Variants in ROBO2 observed in about 807,000 individuals in gnomAD.
The protein encoded by ROBO2 is roundabout guidance receptor 2, also known as roundabout homolog 2.
Under a neutral mutation model 160.8 loss-of-function variants are expected in ROBO2, and 53 were observed. That is an observed-to-expected ratio of 0.33 (90% CI 0.26 to 0.41). The LOEUF (loss-of-function observed/expected upper bound fraction) is 0.41. Among genes scored for constraint, ROBO2 ranks in the 10% least tolerant of loss-of-function variants. The pLI, the probability that ROBO2 is intolerant of heterozygous loss-of-function variation, is 1.00. For synonymous variants in ROBO2, 664 were observed against 611.7 expected (o/e 1.09, Z -1.26); for missense variants, 1,577 against 1,722.4 (o/e 0.92, Z 1.49).
At chr3:76,622,661 C>T (rs2089307337) in intron 2 of ROBO2, among the ~76,000 whole-genome samples, 1 of 152,096 alleles carries the variant, frequency 6.6e-6, no homozygotes, top group Non-Finnish European at 1.5e-5. Flanking sequence ...TGCTCTGCCC[C>T]AGTCATTGAC....
At chr3:77,155,198 C>G (rs945825482) in intron 2 of ROBO2, among the ~76,000 whole-genome samples, 1 of 151,920 alleles carries the variant, frequency 6.6e-6, no homozygotes, top group Non-Finnish European at 1.5e-5. Flanking sequence ...TGTCTGAGTC[C>G]TAATCCCTGA....
intron 2 of ROBO2, among the ~76,000 whole-genome samples, chr3:77,266,688 G>C (rs1253778913): frequency 1.3e-5 from 2 of 152,000 alleles, no homozygotes; most frequent in Non-Finnish European, 2.9e-5. Flanking sequence ...GTGTGATCTT[G>C]GGCAAATCCT....
chr3:77,516,610 A>G (rs2090046605), intron 5 of ROBO2, among the ~76,000 whole-genome samples: 1 of 151,608 alleles, frequency 6.6e-6, no homozygotes, highest in Admixed American at 6.6e-5. Flanking sequence ...ACAGAGGGTA[A>G]TTTATTAATG....
chr3:77,392,744 A>G (rs1486032513), intron 2 of ROBO2, among the ~76,000 whole-genome samples: 1 of 152,230 alleles, frequency 6.6e-6, no homozygotes, highest in African/African-American at 2.4e-5. Context: ...TCCTTGAGCT[A>G]AACATTAATT....
intron 2 of ROBO2, among the ~76,000 whole-genome samples, chr3:77,034,225 A>G (rs1219520443): frequency 6.6e-6 from 1 of 151,854 alleles, no homozygotes. Flanking sequence ...AAGTTTTTCT[A>G]TAAACTTGGG....
chr3:76,707,552 C>G (rs267158), intron 2 of ROBO2, among the ~76,000 whole-genome samples: 74,282 of 151,180 alleles, frequency 0.49, 18,520 homozygotes, highest in Non-Finnish European at 0.53. Context: ...GTTCCCAAGG[C>G]TGGTGACTCC....
At chr3:77,249,777 C>T (rs2090138225) in intron 2 of ROBO2, among the ~76,000 whole-genome samples, 2 of 151,810 alleles carry the variant, frequency 1.3e-5, no homozygotes, top group Admixed American at 6.6e-5. Flanking sequence ...AATTGTCTTA[C>T]ACCAATCAAA....
chr3:76,214,971 AG>A (rs1703407060), intron 2 of ROBO2, among the ~76,000 whole-genome samples: 1 of 152,136 alleles, frequency 6.6e-6, no homozygotes, highest in South Asian at 2.1e-4. Context: ...AAACTTCCAG[AG>A]GAACAATCAG....
intron 2 of ROBO2, among the ~76,000 whole-genome samples, chr3:77,246,445 C>A (rs574055041): frequency 6.6e-6 from 1 of 150,632 alleles, no homozygotes; most frequent in South Asian, 2.1e-4. Context: ...CACTTTAAAC[C>A]CAAATATGTG....
chr3:76,926,446 C>G (rs778031048), intron 2 of ROBO2, among the ~76,000 whole-genome samples: 4 of 152,138 alleles, frequency 2.6e-5, no homozygotes, highest in Non-Finnish European at 4.4e-5. Flanking sequence ...AGATTTTTAT[C>G]TTTGCATTGA....
In ROBO2 at chr3:76,646,669, C is replaced by T. The variant is rs117250783; in HGVS notation, c.110-451345C>T. Among the ~76,000 whole-genome samples the T allele has an allele frequency of 2.0e-4, 31 of 152,214 alleles. No individual in the cohort carries two copies. The East Asian group carries it at 5.8e-3, about 29-fold the overall frequency. On this transcript the variant is annotated intron_variant, in intron 2 of 26. Transcript: ENST00000487694. The stretch of plus-strand genomic sequence containing the variant: ...AGTTTCCATGATATACATGTAGACA[C>T]AGCAATAAGAGTTAAGTTGCTTTGC...
At chr3:77,244,062 A>G (rs1008571031) in intron 2 of ROBO2, among the ~76,000 whole-genome samples, 1 of 152,228 alleles carries the variant, frequency 6.6e-6, no homozygotes, top group Non-Finnish European at 1.5e-5. Flanking sequence ...AAAACAATGG[A>G]GAAACAGTAG....
chr3:76,537,174 G>A (rs1432338764), intron 2 of ROBO2, among the ~76,000 whole-genome samples: 2 of 151,940 alleles, frequency 1.3e-5, no homozygotes, highest in Non-Finnish European at 2.9e-5. Context: ...GAAATGGATG[G>A]GAGAGAAAGA....
chr3:77,215,890 CA>C (rs2084874390), intron 2 of ROBO2, among the ~76,000 whole-genome samples: 1 of 152,232 alleles, frequency 6.6e-6, no homozygotes, highest in African/African-American at 2.4e-5. Flanking sequence ...GGCTGCAGAA[CA>C]GCAGATATTG....
At chr3:76,775,735 C>T (rs939011133) in intron 2 of ROBO2, among the ~76,000 whole-genome samples, 1 of 110,332 alleles carries the variant, frequency 9.1e-6, no homozygotes, top group South Asian at 3.4e-4. Flanking sequence ...TGGAATACAT[C>T]GATGTTATTT....
At chr3:77,318,668 C>G (rs1040801998) in intron 2 of ROBO2, among the ~76,000 whole-genome samples, 1 of 152,102 alleles carries the variant, frequency 6.6e-6, no homozygotes, top group Non-Finnish European at 1.5e-5. Flanking sequence ...ATGTTCTCAT[C>G]TATAAAATAA....
intron 2 of ROBO2, among the ~76,000 whole-genome samples, chr3:76,069,531 T>TTA (rs991037447): frequency 6.6e-6 from 1 of 151,826 alleles, no homozygotes; most frequent in Non-Finnish European, 1.5e-5. Flanking sequence ...GCTAGTTTTT[T>TTA]TTTTTTTCCT....
intron 2 of ROBO2, among the ~76,000 whole-genome samples, chr3:76,129,758 C>A (rs918105437): frequency 3.9e-5 from 6 of 152,106 alleles, no homozygotes; most frequent in African/African-American, 1.4e-4. Flanking sequence ...TGAGGCAATT[C>A]CCCACATGCT....
At chr3:76,271,766 A>G (rs557717126) in intron 2 of ROBO2, among the ~76,000 whole-genome samples, 1 of 151,132 alleles carries the variant, frequency 6.6e-6, no homozygotes, top group African/African-American at 2.4e-5. Context: ...TCCTCTCCTC[A>G]CAAACATAAA....
Sources: gnomAD v4.1 joint callset for allele counts (sites outside exome capture counted in the v4.1 genomes callset) on GRCh38, gnomAD v4.1.1 for gene constraint, MANE v1.5 for transcripts, NCBI Gene and HGNC (gene_info 2026-07-23, HGNC 2026-07-21) for gene names.